RBFOX2: variants seen among roughly 807,000 people sequenced by gnomAD.
RBFOX2 encodes the protein RNA binding protein fox-1 homolog 2.
Under a neutral mutation model 49.1 loss-of-function variants are expected in RBFOX2, and 10 were observed. The ratio of observed to expected loss-of-function variants is 0.20; its 90% CI spans 0.13 to 0.35. RBFOX2 has a LOEUF of 0.35. Among genes scored for constraint, RBFOX2 ranks in the 10% least tolerant of loss-of-function variants. RBFOX2 has a pLI of 1.00. For synonymous variants in RBFOX2, 183 were observed against 187.4 expected (o/e 0.98, Z 0.19); for missense variants, 323 against 486.9 (o/e 0.66, Z 3.17).
chr22:36,025,853 G>A (rs2146596360), intron 1 of RBFOX2, among the ~76,000 whole-genome samples: 1 of 152,134 alleles, frequency 6.6e-6, no homozygotes, highest in South Asian at 2.1e-4. Flanking sequence ...TACAACTAAG[G>A]AAAACAGAGG....
At chr22:35,881,700 C>T (rs2045927943) in intron 1 of RBFOX2, among the ~76,000 whole-genome samples, 1 of 151,930 alleles carries the variant, frequency 6.6e-6, no homozygotes, top group African/African-American at 2.4e-5. Flanking sequence ...GTGGCTCACA[C>T]CTATAATCCC....
chr22:35,997,056 C>T (rs910793977), intron 1 of RBFOX2: 1 of 152,190 alleles, frequency 6.6e-6, no homozygotes, highest in South Asian at 2.1e-4. Context: ...GATTTACTGG[C>T]ATTTGATACA....
chr22:35,989,660 T>C (rs1268809689), intron 1 of RBFOX2, among the ~76,000 whole-genome samples: 3 of 152,036 alleles, frequency 2.0e-5, no homozygotes, highest in African/African-American at 2.4e-5. Context: ...AAAAAAGATA[T>C]AGAAGGGCAG....
intron 1 of RBFOX2, among the ~76,000 whole-genome samples, chr22:36,004,658 T>C (rs1363895987): frequency 6.6e-6 from 1 of 152,130 alleles, no homozygotes; most frequent in Non-Finnish European, 1.5e-5. Flanking sequence ...TGGCCAGGCA[T>C]GGTGGCAAGT....
At chr22:35,930,638 T>C (rs2052285146) in intron 1 of RBFOX2, among the ~76,000 whole-genome samples, 1 of 151,850 alleles carries the variant, frequency 6.6e-6, no homozygotes, top group Non-Finnish European at 1.5e-5. Context: ...GAGATCAGCC[T>C]GGCCAACACA....
At chr22:35,821,506 G>A (rs1447931534) in intron 1 of RBFOX2, among the ~76,000 whole-genome samples, 1 of 142,794 alleles carries the variant, frequency 7.0e-6, no homozygotes, top group African/African-American at 2.5e-5. Context: ...TGAGGCAGGA[G>A]AACTGCTTGA....
chr22:36,026,915 C>CA (rs2059460129), intron 1 of RBFOX2, among the ~76,000 whole-genome samples: 1 of 152,146 alleles, frequency 6.6e-6, no homozygotes, highest in Non-Finnish European at 1.5e-5. Context: ...GCTTGAAAAG[C>CA]AGGGAGCAGA....
intron 2 of RBFOX2, among the ~76,000 whole-genome samples, chr22:35,802,699 T>C (rs1236528673): frequency 6.6e-6 from 1 of 152,144 alleles, no homozygotes; most frequent in Non-Finnish European, 1.5e-5. Context: ...GACATTCTTC[T>C]AGCTTGAGGC....
At chr22:35,796,002 AT>A (rs2147717216) in intron 2 of RBFOX2, among the ~76,000 whole-genome samples, 1 of 152,186 alleles carries the variant, frequency 6.6e-6, no homozygotes. Flanking sequence ...AAACTTCTTA[AT>A]TTTTATTTTT....
intron 1 of RBFOX2, among the ~76,000 whole-genome samples, chr22:35,983,056 A>G (rs966977903): frequency 3.3e-5 from 5 of 152,174 alleles, no homozygotes; most frequent in Admixed American, 3.3e-4. Flanking sequence ...CAGAAAAACA[A>G]ATCTCCCCAG....
At chr22:35,922,908 C>G (rs1038052944) in intron 1 of RBFOX2, among the ~76,000 whole-genome samples, 1 of 152,074 alleles carries the variant, frequency 6.6e-6, no homozygotes, top group Non-Finnish European at 1.5e-5. Context: ...GAAAGTTTGC[C>G]CCCTCCTGTT....
intron 4 of RBFOX2, among the ~76,000 whole-genome samples, chr22:35,776,945 T>A (rs770351540): frequency 1.5e-4 from 23 of 152,100 alleles, no homozygotes; most frequent in Non-Finnish European, 2.2e-4. Flanking sequence ...AAAACATTGC[T>A]GTTTCTTTTA....
chr22:35,965,214 T>C (rs901248053), upstream of RBFOX2, among the ~76,000 whole-genome samples: 8 of 152,160 alleles, frequency 5.3e-5, no homozygotes, highest in African/African-American at 1.9e-4. Flanking sequence ...AACAAAGATT[T>C]ACAAAGGGAT....
intron 1 of RBFOX2, among the ~76,000 whole-genome samples, chr22:35,967,394 A>G (rs1258876801): frequency 6.6e-6 from 1 of 151,770 alleles, no homozygotes; most frequent in Non-Finnish European, 1.5e-5. Context: ...AAAAATTAAA[A>G]AAAAAAAATA....
At chr22:35,854,459 C>T (rs1016341519) in intron 1 of RBFOX2, among the ~76,000 whole-genome samples, 1 of 151,932 alleles carries the variant, frequency 6.6e-6, no homozygotes, top group Non-Finnish European at 1.5e-5. Context: ...TGGTGGCACA[C>T]AGCATGTGCC....
chr22:35,767,333 T>A (rs1038684068), intron 5 of RBFOX2, among the ~76,000 whole-genome samples: 2 of 152,360 alleles, frequency 1.3e-5, no homozygotes, highest in Admixed American at 6.5e-5. Context: ...ATTACATTTT[T>A]AAAAGCTTCT....
chr22:35,920,886 G>A (rs183182119), intron 1 of RBFOX2, among the ~76,000 whole-genome samples: 1 of 152,204 alleles, frequency 6.6e-6, no homozygotes, highest in East Asian at 1.9e-4. Flanking sequence ...ACAGAGTTAC[G>A]CTGAAACAAG....
chr22:35,880,140 G>A (rs1603432479), intron 1 of RBFOX2, among the ~76,000 whole-genome samples: 2 of 151,782 alleles, frequency 1.3e-5, no homozygotes, highest in South Asian at 4.1e-4. Context: ...GGGCGACAGA[G>A]CGAGACTGAG....
chr22:35,831,195 G>C (rs1956728235), intron 1 of RBFOX2, among the ~76,000 whole-genome samples: 1 of 152,162 alleles, frequency 6.6e-6, no homozygotes, highest in Non-Finnish European at 1.5e-5. Context: ...TGTAATCCCA[G>C]CACTTTGGGA....
Sources: allele counts gnomAD v4.1 joint callset (sites outside exome capture counted in the v4.1 genomes callset), GRCh38; gene constraint gnomAD v4.1.1; transcripts MANE v1.5; gene names NCBI Gene and HGNC (gene_info 2026-07-23, HGNC 2026-07-21).